Variants in CPLX2 observed in about 807,000 individuals in gnomAD.
CPLX2 encodes the protein complexin 2.
Under a neutral mutation model 16.3 loss-of-function variants are expected in CPLX2, and 5 were observed. The ratio of observed to expected loss-of-function variants is 0.31; its 90% CI spans 0.16 to 0.64. The LOEUF is 0.64. CPLX2 is among the 30% of genes least tolerant of loss of function. The probability of loss-of-function intolerance (pLI) is 0.79; values close to 1 mark genes in which losing one functional copy is unlikely to be tolerated. For missense variants in CPLX2, 144 were observed against 181.4 expected (o/e 0.79, Z 1.18); for synonymous variants, 89 against 73.2 (o/e 1.22, Z -1.10).
At chr5:175,823,704 G>T (rs1215602715) in intron 2 of CPLX2, among the ~76,000 whole-genome samples, 1 of 152,192 alleles carries the variant, frequency 6.6e-6, no homozygotes, top group Non-Finnish European at 1.5e-5. Context: ...CAGCACCTAA[G>T]TGACACTTGA....
intron 2 of CPLX2, among the ~76,000 whole-genome samples, chr5:175,840,202 T>C (rs1246282036): frequency 1.3e-5 from 2 of 152,040 alleles, no homozygotes; most frequent in South Asian, 2.1e-4. Context: ...ATAAAACATA[T>C]GTTTTTTTTT....
At chr5:175,860,249 G>T (rs1759335578) in intron 2 of CPLX2, among the ~76,000 whole-genome samples, 1 of 152,046 alleles carries the variant, frequency 6.6e-6, no homozygotes, top group Admixed American at 6.6e-5. Context: ...CCAGCACATT[G>T]GGAGGTCAAG....
chr5:175,879,660 T>G lies in CPLX2; in HGVS notation c.208-188T>G, dbSNP rs961943685. The stretch of plus-strand genomic sequence containing the variant: ...TTAATTTTAAAGGAAACCCCACGTA[T>G]GGTCTCTCCCACTGAGGACCAGGCA... On this transcript the variant is annotated intron_variant, in intron 3 of 3. Transcript: ENST00000393745. 41 of 706,082 alleles carry G rather than the reference T, an allele frequency of 5.8e-5. No individual in the cohort carries two copies. In the African/African-American group the frequency reaches 6.6e-4, roughly 11 times the overall value. 43.7% of individuals were successfully genotyped at this position (706,082 alleles called of 1,614,324 possible).
Position 175,880,125 on chromosome 5 carries a change from C to A in CPLX2, c.*80C>A. Reference sequence around the variant, plus strand: ...CTTTTCTTTTTATTAGGTTAAGTCTCAATTCTGAAGGGGAAAACCTCAGTT... The same window carrying A: ...CTTTTCTTTTTATTAGGTTAAGTCTAAATTCTGAAGGGGAAAACCTCAGTT... On this transcript the variant is annotated 3_prime_UTR_variant, in exon 4 of 4. Coordinates refer to ENST00000393745, the MANE Select transcript of CPLX2 (RefSeq NM_001008220.2). 6.7e-7 allele frequency: 1 copy of A among 1,485,480 alleles called. No homozygotes were observed. Among genetic ancestry groups the A allele is most frequent in the South Asian group, 1.2e-5 (1 of 82,664 alleles). The allele number at this position is 1,485,480 out of a possible 1,614,324, so 92.0% of individuals were successfully genotyped here.
At position 175,843,199 on chromosome 5, in the gene CPLX2, C is replaced by T. The variant is rs540399577; in HGVS notation, c.-89+34131C>T. Among the ~76,000 whole-genome samples the T allele has an allele frequency of 2.2e-3, 342 of 152,328 alleles. 2 individuals are homozygous for T. The highest frequency in any genetic ancestry group is 7.8e-3 in the African/African-American group (326 of 41,574). On this transcript the variant is annotated intron_variant, in intron 2 of 4. Coordinates refer to the CPLX2 transcript ENST00000359546. The stretch of plus-strand genomic sequence containing the variant: ...AGCCAGACGGGGTCAGCTAGTCAGA[C>T]AACAGGCTGGCCTGGCTCACAGCCT...
At chr5:175,821,569 G>A (rs1267896468) in intron 2 of CPLX2, among the ~76,000 whole-genome samples, 3 of 151,970 alleles carry the variant, frequency 2.0e-5, no homozygotes, top group Non-Finnish European at 2.9e-5. Context: ...CACCATGCCC[G>A]GCTAATTTTT....
intron 2 of CPLX2, among the ~76,000 whole-genome samples, chr5:175,814,072 A>C (rs894768727): frequency 6.6e-6 from 1 of 152,236 alleles, no homozygotes; most frequent in African/African-American, 2.4e-5. Flanking sequence ...AGTAATAGTA[A>C]ATGCAAGATG....
At chr5:175,802,093 A>C (rs1030170483) in intron 1 of CPLX2, among the ~76,000 whole-genome samples, 2 of 152,340 alleles carry the variant, frequency 1.3e-5, no homozygotes, top group Middle Eastern at 3.4e-3. Context: ...AATAATGCCT[A>C]GGGTATTCTC....
chr5:175,807,895 C>T (rs902616146), intron 1 of CPLX2, among the ~76,000 whole-genome samples: 3 of 152,198 alleles, frequency 2.0e-5, no homozygotes, highest in African/African-American at 7.2e-5. Flanking sequence ...CCCTGATTCA[C>T]TCTATACTGT....
At chr5:175,797,096 C>A (rs1309460422) in intron 1 of CPLX2, among the ~76,000 whole-genome samples, 1 of 152,186 alleles carries the variant, frequency 6.6e-6, no homozygotes, top group African/African-American at 2.4e-5. Flanking sequence ...GCCCTGGTTC[C>A]GCGCGGCTGC....
At chr5:175,797,758 A>T (rs1336357846) in intron 1 of CPLX2, among the ~76,000 whole-genome samples, 1 of 152,080 alleles carries the variant, frequency 6.6e-6, no homozygotes, top group Non-Finnish European at 1.5e-5. Flanking sequence ...CAGAGAAGGC[A>T]GGGGGGAGGG....
At chr5:175,838,621 TCA>T (rs1758888558) in intron 2 of CPLX2, among the ~76,000 whole-genome samples, 1 of 152,162 alleles carries the variant, frequency 6.6e-6, no homozygotes, top group African/African-American at 2.4e-5. Context: ...CACCCAAGCC[TCA>T]GAGCCAGGTC....
At chr5:175,808,681 C>T (rs1472188570) in intron 1 of CPLX2, among the ~76,000 whole-genome samples, 11 of 152,162 alleles carry the variant, frequency 7.2e-5, no homozygotes, top group Admixed American at 7.2e-4. Flanking sequence ...TCAGAAATCA[C>T]ATTTAAGTAA....
At chr5:175,873,090 C>T (rs1759672603) in intron 1 of CPLX2, 2 of 134,990 alleles carry the variant, frequency 1.5e-5, no homozygotes, top group Admixed American at 1.5e-4. Context: ...CGCAGCATCC[C>T]CCACCCACCC....
chr5:175,812,736 G>T (rs2113635155), intron 2 of CPLX2, among the ~76,000 whole-genome samples: 1 of 152,202 alleles, frequency 6.6e-6, no homozygotes. Context: ...TTCTAAGAAG[G>T]TTCTCAGGGC....
intron 1 of CPLX2, among the ~76,000 whole-genome samples, chr5:175,804,709 C>T (rs190183428): frequency 1.1e-3 from 170 of 152,246 alleles, no homozygotes; most frequent in Non-Finnish European, 1.8e-3. Context: ...CAAGACCCCC[C>T]GGTGATTGAC....
chr5:175,817,541 A>C (rs200876677), intron 2 of CPLX2, among the ~76,000 whole-genome samples: 35 of 152,288 alleles, frequency 2.3e-4, no homozygotes, highest in East Asian at 1.5e-3. Flanking sequence ...TGATGACAAG[A>C]AGCTCACTAC....
In CPLX2 at chr5:175,880,153, C is replaced by A; in HGVS notation, c.*108C>A. Reference sequence around the variant, plus strand: ...TTCTGAAGGGGAAAACCTCAGTTGGCCTCTGCCCCTCTTCCCTGGCCAGGG... The same window carrying A: ...TTCTGAAGGGGAAAACCTCAGTTGGACTCTGCCCCTCTTCCCTGGCCAGGG... On this transcript the variant is annotated 3_prime_UTR_variant, in exon 4 of 4. Coordinates refer to ENST00000393745, the MANE Select transcript of CPLX2 (RefSeq NM_001008220.2). The A allele has an allele frequency of 1.7e-6, 2 of 1,194,432 alleles. No homozygotes were observed. Among genetic ancestry groups the A allele is most frequent in the Non-Finnish European group, 2.4e-6 (2 of 821,464 alleles). 74.0% of individuals were successfully genotyped at this position (1,194,432 alleles called of 1,614,324 possible).
intron 2 of CPLX2, among the ~76,000 whole-genome samples, chr5:175,847,468 C>T (rs972371532): frequency 2.6e-5 from 4 of 152,212 alleles, no homozygotes; most frequent in Non-Finnish European, 4.4e-5. Context: ...TCGCTCACAG[C>T]ATGCGTGGCC....
Sources: allele counts gnomAD v4.1 joint callset (sites outside exome capture counted in the v4.1 genomes callset), GRCh38; gene constraint gnomAD v4.1.1; transcripts MANE v1.5; gene names NCBI Gene and HGNC (gene_info 2026-07-23, HGNC 2026-07-21).